The following KDM2B variants were observed in gnomAD, a reference collection of about 807,000 sequenced individuals.
The protein encoded by KDM2B is lysine demethylase 2B.
In KDM2B, 26 loss-of-function variants were observed where a neutral mutation model predicts 150.0. The ratio of observed to expected loss-of-function variants is 0.17; its 90% confidence interval spans 0.13 to 0.24. KDM2B has a LOEUF of 0.24. Ranked by LOEUF, KDM2B falls within the 10% of genes least tolerant of loss-of-function variation. The pLI, the probability that KDM2B is intolerant of heterozygous loss-of-function variation, is 1.00. For missense variants in KDM2B, 1,265 were observed against 1,816.9 expected, an observed-to-expected ratio of 0.70 and a Z score of 5.52; for synonymous variants, 734 against 729.5, an observed-to-expected ratio of 1.01 and a Z score of -0.10.
intron 12 of KDM2B, among the ~76,000 whole-genome samples, chr12:121,477,994 C>G (rs1379954445): frequency 1.3e-5 from 2 of 152,076 alleles, no homozygotes; most frequent in Non-Finnish European, 2.9e-5. Flanking sequence ...CCTCCCGTCT[C>G]AGCCTCCCAA....
At chr12:121,426,159 A>G (rs113631384), downstream of KDM2B, among the ~76,000 whole-genome samples, 2 of 152,216 alleles carry the variant, frequency 1.3e-5, no homozygotes, top group African/African-American at 2.4e-5. Flanking sequence ...CTTAAATTCA[A>G]AAATTCAGAT....
intron 12 of KDM2B, among the ~76,000 whole-genome samples, chr12:121,478,637 G>A (rs1246151643): frequency 6.6e-6 from 1 of 151,684 alleles, no homozygotes; most frequent in Admixed American, 6.6e-5. Context: ...GGGATTACAG[G>A]CGTGAGCCAC....
At chr12:121,561,044 G>A (rs942387645) in intron 4 of KDM2B, among the ~76,000 whole-genome samples, 3 of 145,302 alleles carry the variant, frequency 2.1e-5, no homozygotes, top group Non-Finnish European at 4.6e-5. Context: ...CCCTCCCTCC[G>A]CCGCCCACCC....
chr12:121,521,337 T>C lies in KDM2B; in HGVS notation c.932-237A>G, dbSNP rs1446009616. Among the ~76,000 whole-genome samples, 1 of 152,120 alleles carries C rather than the reference T, an allele frequency of 6.6e-6. No individual in the cohort carries two copies. Among genetic ancestry groups the C allele is most frequent in the African/African-American group, 2.4e-5 (1 of 41,420 alleles). On this transcript the variant is annotated intron_variant, in intron 8 of 22. Coordinates refer to ENST00000377071, the MANE Select transcript of KDM2B (RefSeq NM_032590.5). This position sits in a 1 kb window ranked among gnomAD's most constrained non-coding sequence, Gnocchi z 4.9. The stretch of plus-strand genomic sequence containing the variant: ...CCACTGTCTGGCTCAAGTCAGGAGC[T>C]GGGAAGCTGCAGATCAGCCCCCACT...
chr12:121,534,075 C>T (rs1299376149), intron 7 of KDM2B, among the ~76,000 whole-genome samples: 1 of 152,064 alleles, frequency 6.6e-6, no homozygotes, highest in Non-Finnish European at 1.5e-5. Flanking sequence ...AAAAGCCGGG[C>T]ACAGTGGCTC....
intron 13 of KDM2B, among the ~76,000 whole-genome samples, chr12:121,448,366 T>C (rs920953283): frequency 4.6e-5 from 7 of 151,340 alleles, no homozygotes; most frequent in Admixed American, 1.3e-4. Context: ...TTTTTTTTTT[T>C]AGCTAAAGTC....
At chr12:121,492,191 A>G (rs1883440936) in intron 12 of KDM2B, among the ~76,000 whole-genome samples, 1 of 152,172 alleles carries the variant, frequency 6.6e-6, no homozygotes, top group Admixed American at 6.5e-5. Flanking sequence ...AAGGTGAGCC[A>G]CATAGGTACT....
chr12:121,436,793 C>T (rs186511613), intron 22 of KDM2B, among the ~76,000 whole-genome samples: 26 of 152,162 alleles, frequency 1.7e-4, no homozygotes, highest in Admixed American at 1.4e-3. Flanking sequence ...CAATTACAGA[C>T]GACTTTCTAT....
At chr12:121,431,035 C>T (rs894081707) in intron 22 of KDM2B, among the ~76,000 whole-genome samples, 12 of 152,192 alleles carry the variant, frequency 7.9e-5, no homozygotes, top group African/African-American at 2.7e-4. Context: ...AACTCCAGGA[C>T]TGACCGTGTG....
At chr12:121,551,817 T>C (rs1230747017) in intron 4 of KDM2B, among the ~76,000 whole-genome samples, 1 of 152,114 alleles carries the variant, frequency 6.6e-6, no homozygotes, top group Admixed American at 6.6e-5. Context: ...CCTCCCAAAG[T>C]GCTGGGATTA....
intron 10 of KDM2B, 87 bp from the exon 11 acceptor site, chr12:121,510,126 T>C: frequency 8.6e-7 from 1 of 1,156,938 alleles, no homozygotes; most frequent in Non-Finnish European, 1.2e-6. Flanking sequence ...AAAAGTCCCC[T>C]TTACTCCAGA....
At position 121,443,772 on chromosome 12, in the gene KDM2B, G is replaced by C. The variant is rs1050795025; in HGVS notation, c.2473C>G (p.Pro825Ala). Reference sequence around the variant, plus strand: ...GGCGAGAGGTGAGAGGAGGAACCGGGGGACGTTTGAAGCGATGAGGCCTAA... The same window carrying C: ...GGCGAGAGGTGAGAGGAGGAACCGGCGGACGTTTGAAGCGATGAGGCCTAA... Reference protein sequence around the residue: ...RKRASSLQTSPGSSSHLSPRP... With the variant: ...RKRASSLQTSAGSSSHLSPRP... Residue 825 changes from proline (P) to alanine (A), a missense_variant, in exon 17 of 23, where the codon CCC (proline) becomes GCC (alanine). Coordinates refer to ENST00000377071, the MANE Select transcript of KDM2B (RefSeq NM_032590.5). 2.5e-6 allele frequency: 4 copies of C among 1,606,790 alleles called. No homozygotes were observed. Among genetic ancestry groups the C allele is most frequent in the East Asian group, 2.2e-5 (1 of 44,886 alleles).
At chr12:121,523,349 A>G (rs371494326) in intron 8 of KDM2B, among the ~76,000 whole-genome samples, 2 of 152,310 alleles carry the variant, frequency 1.3e-5, no homozygotes, top group South Asian at 2.1e-4. Context: ...AGGACAGAGG[A>G]GGGTTGGCTG....
intron 9 of KDM2B, chr12:121,516,569 C>CGGAGCCTCACCAAATTGAGTTAA: frequency 7.0e-7 from 1 of 1,422,042 alleles, no homozygotes; most frequent in Non-Finnish European, 9.3e-7. Context: ...TTGACAGACT[C>CGGAGCCTCACCAAATTGAGTTAA]GGAGCCTCAC....
chr12:121,534,642 G>A lies in KDM2B; in HGVS notation c.684-52C>T, dbSNP rs542204070. On this transcript the variant is annotated intron_variant, in intron 6 of 22. Coordinates refer to ENST00000377071, the MANE Select transcript of KDM2B (RefSeq NM_032590.5). ...ACACAAGTCAAGATCTAAATCACAA[G>A]ACGTAAGCAAAGGACTTCAGAGGTC... The A allele has an allele frequency of 5.0e-6, 7 of 1,398,150 alleles. No individual in the cohort carries two copies. The South Asian group carries it at 7.0e-5, about 14-fold the overall frequency. The allele number at this position is 1,398,150 out of a possible 1,614,324, so 86.6% of individuals were successfully genotyped here.
intron 12 of KDM2B, among the ~76,000 whole-genome samples, chr12:121,481,833 C>A (rs868984177): frequency 1.2e-4 from 19 of 152,030 alleles, no homozygotes; most frequent in Admixed American, 9.8e-4. Flanking sequence ...GGCTGGAGTG[C>A]AGTGGTGCAA....
chr12:121,549,085 C>G lies in KDM2B; in HGVS notation c.577-102G>C. ...CCTTGGGCCCCCCCGCTCCCCCAAT[C>G]TACTGTGGGCTCAATAGTCCCAACA... On this transcript the variant is annotated intron_variant, in intron 5 of 22. Transcript: ENST00000377071. The surrounding 1 kb of genome is among the most constrained non-coding windows in gnomAD (Gnocchi z 4.4). 1.2e-6 allele frequency: 1 copy of G among 860,330 alleles called. No homozygotes were observed. Among genetic ancestry groups the G allele is most frequent in the South Asian group, 1.5e-5 (1 of 66,604 alleles). 53.3% of individuals were successfully genotyped at this position (860,330 alleles called of 1,614,324 possible).
intron 12 of KDM2B, among the ~76,000 whole-genome samples, chr12:121,491,648 G>T (rs1250941876): frequency 6.6e-6 from 1 of 151,876 alleles, no homozygotes; most frequent in African/African-American, 2.4e-5. Context: ...CAAAAAATTT[G>T]CCGGGCGTGG....
In KDM2B at chr12:121,430,183, T is replaced by C. The variant is rs1872775478; in HGVS notation, c.*105A>G. On this transcript the variant is annotated 3_prime_UTR_variant, in exon 23 of 23. Coordinates refer to ENST00000377071, the MANE Select transcript of KDM2B (RefSeq NM_032590.5). The surrounding 1 kb of genome is among the most constrained non-coding windows in gnomAD (Gnocchi z 4.4). ...GAAAGACTTGCAAAATGGAATTGCG[T>C]TGTGGTCTGTTGTCCCACGTTCCAA... The C allele has an allele frequency of 1.9e-6, 3 of 1,614,116 alleles. No homozygotes were observed. Among genetic ancestry groups the C allele is most frequent in the Admixed American group, 1.7e-5 (1 of 60,008 alleles).
Sources: gnomAD v4.1 joint callset for allele counts (sites outside exome capture counted in the v4.1 genomes callset) on GRCh38, gnomAD v4.1.1 for gene constraint, Gnocchi (gnomAD v3.1) non-coding constraint, MANE v1.5 for transcripts, NCBI Gene and HGNC (gene_info 2026-07-23, HGNC 2026-07-21) for gene names.